C9orf85: variants seen among roughly 807,000 people sequenced by gnomAD.
The protein encoded by C9orf85 is chromosome 9 open reading frame 85, also known as uncharacterized protein C9orf85.
A neutral mutation model predicts 14.9 loss-of-function variants in C9orf85; 16 were observed. The ratio of observed to expected loss-of-function variants is 1.08; its 90% confidence interval spans 0.73 to 1.63. The LOEUF (loss-of-function observed/expected upper bound fraction) is 1.63. C9orf85 is among the 40% of genes most tolerant of loss of function. The probability of loss-of-function intolerance (pLI) is 0.00; values close to 1 mark genes in which losing one functional copy is unlikely to be tolerated. For missense variants in C9orf85, 172 were observed against 186.1 expected, an observed-to-expected ratio of 0.92 and a Z score of 0.44; for synonymous variants, 45 against 56.8, an observed-to-expected ratio of 0.79 and a Z score of 0.93.
chr9:71,945,418 A>G (rs535405947), intron 1 of C9orf85, among the ~76,000 whole-genome samples: 1 of 152,248 alleles, frequency 6.6e-6, no homozygotes, highest in Non-Finnish European at 1.5e-5. Context: ...GGGACTCTCC[A>G]TCTATGTCCA....
chr9:71,918,506 G>A (rs977377503), intron 1 of C9orf85: 36 of 1,202,834 alleles, frequency 3.0e-5, no homozygotes, highest in East Asian at 5.8e-5. Context: ...CCCCCGCATC[G>A]GTCCATGGCC....
rs552492213 is a variant in C9orf85, at chr9:71,948,635, C to T, written c.209+1523C>T. 1.3e-4 allele frequency among the ~76,000 whole-genome samples: 20 copies of T among 152,310 alleles called. No homozygotes were observed. In the South Asian group the frequency reaches 4.1e-3, roughly 32 times the overall value. ...CTCCCAGGTTCAAGCAATTCTCCTA[C>T]CTCAGCCTCCTGAGTAGCTGGGACT... On this transcript the variant is annotated intron_variant, in intron 2 of 3. Transcript: ENST00000334731.
At chr9:71,915,620 AG>A (rs1456141623) in intron 1 of C9orf85, among the ~76,000 whole-genome samples, 1 of 152,274 alleles carries the variant, frequency 6.6e-6, no homozygotes, top group East Asian at 1.9e-4. Context: ...CTGAAACAAT[AG>A]AGAAGTATAT....
rs111596905 is a variant in C9orf85 at position 71,981,910 on chromosome 9, T to C, written c.324-747T>C. 5.8e-3 allele frequency among the ~76,000 whole-genome samples: 884 copies of C among 152,316 alleles called. 9 individuals are homozygous for C. Among genetic ancestry groups the C allele is most frequent in the African/African-American group, 0.02 (828 of 41,574 alleles). ...TTTAAAATGCTTTATCGAGGCATAA[T>C]TTACATGTGTAAGACTCACCAATTT... On this transcript the variant is annotated intron_variant, in intron 3 of 3. Coordinates refer to the C9orf85 transcript ENST00000377031.
chr9:71,943,125 G>A (rs530716933), intron 1 of C9orf85, among the ~76,000 whole-genome samples: 1 of 152,102 alleles, frequency 6.6e-6, no homozygotes, highest in Non-Finnish European at 1.5e-5. Flanking sequence ...AGCAGTAGTG[G>A]CATAAAATAC....
chr9:71,966,872 C>T (rs541057294), intron 2 of C9orf85, among the ~76,000 whole-genome samples: 1 of 152,184 alleles, frequency 6.6e-6, no homozygotes, highest in African/African-American at 2.4e-5. Flanking sequence ...TTGATCTTTC[C>T]TAGATCCAGA....
intron 1 of C9orf85, among the ~76,000 whole-genome samples, chr9:71,931,863 T>G (rs1479464573): frequency 6.6e-6 from 1 of 152,164 alleles, no homozygotes; most frequent in Non-Finnish European, 1.5e-5. Context: ...TTAATAGTAT[T>G]CCCAGTAGCA....
intron 2 of C9orf85, among the ~76,000 whole-genome samples, chr9:71,954,953 T>C (rs930046003): frequency 3.3e-5 from 5 of 152,190 alleles, no homozygotes; most frequent in African/African-American, 1.2e-4. Flanking sequence ...AAAGCTTTCT[T>C]GTAACTAAAT....
chr9:71,946,350 G>C (rs1390268988), intron 1 of C9orf85, among the ~76,000 whole-genome samples: 1 of 152,192 alleles, frequency 6.6e-6, no homozygotes, highest in African/African-American at 2.4e-5. Flanking sequence ...TTGTTGAAAT[G>C]ATAGTCTTCA....
At chr9:71,972,547 C>T in intron 3 of C9orf85, 145 bp from the exon 4 acceptor site, 1 of 487,470 alleles carries the variant, frequency 2.1e-6, no homozygotes. Flanking sequence ...GCATGAGCCA[C>T]CACTCCCAGG....
chr9:71,985,847 C>T (rs1823202891), downstream of C9orf85: 1 of 152,126 alleles, frequency 6.6e-6, no homozygotes, highest in South Asian at 2.1e-4. Flanking sequence ...ATTTTCAGAA[C>T]CGTCTTTGGA....
chr9:71,979,359 A>C (rs923199434), intron 3 of C9orf85, among the ~76,000 whole-genome samples: 2 of 152,234 alleles, frequency 1.3e-5, no homozygotes, highest in African/African-American at 4.8e-5. Flanking sequence ...GAAAACACTT[A>C]TCATAGTAGG....
At chr9:71,912,100 A>G (rs950690002) in intron 1 of C9orf85, 1 of 468,070 alleles carries the variant, frequency 2.1e-6, no homozygotes, top group South Asian at 2.0e-5. Context: ...TCTAAGGTGC[A>G]GATGGGGCAG....
chr9:71,984,479 T>A (rs1351526758), downstream of C9orf85: 1 of 152,214 alleles, frequency 6.6e-6, no homozygotes, highest in African/African-American at 2.4e-5. Context: ...GTATTTAAAA[T>A]ACAGATTCCC....
At chr9:71,977,783 A>G (rs1156711863), downstream of C9orf85, among the ~76,000 whole-genome samples, 1 of 152,194 alleles carries the variant, frequency 6.6e-6, no homozygotes, top group African/African-American at 2.4e-5. Context: ...TTTGTCAGCA[A>G]TACTGAATGT....
chr9:71,927,982 T>C (rs968901375), intron 1 of C9orf85, among the ~76,000 whole-genome samples: 1 of 152,058 alleles, frequency 6.6e-6, no homozygotes, highest in African/African-American at 2.4e-5. Context: ...GGCTAGGAGT[T>C]TGAGACCAGC....
At chr9:71,961,284 A>T (rs1822516954) in intron 2 of C9orf85, among the ~76,000 whole-genome samples, 1 of 151,944 alleles carries the variant, frequency 6.6e-6, no homozygotes, top group African/African-American at 2.4e-5. Context: ...CACCACGGCC[A>T]GGCGCAGTGG....
chr9:71,968,753 A>C (rs1404380731), intron 2 of C9orf85, among the ~76,000 whole-genome samples: 2 of 152,208 alleles, frequency 1.3e-5, no homozygotes, highest in African/African-American at 4.8e-5. Flanking sequence ...GAGCAATGGC[A>C]AGAGTACACC....
At chr9:71,944,685 A>G (rs1223708110) in intron 1 of C9orf85, among the ~76,000 whole-genome samples, 1 of 152,142 alleles carries the variant, frequency 6.6e-6, no homozygotes, top group Admixed American at 6.5e-5. Context: ...TTCTTTGCTC[A>G]CATCTCTGGA....
Sources: allele counts gnomAD v4.1 joint callset (sites outside exome capture counted in the v4.1 genomes callset), GRCh38; gene constraint gnomAD v4.1.1; transcripts MANE v1.5; gene names NCBI Gene and HGNC (gene_info 2026-07-23, HGNC 2026-07-21).